The following BCAR3 variants were observed in gnomAD, a reference collection of about 807,000 sequenced individuals.
BCAR3 encodes breast cancer anti-estrogen resistance protein 3.
In BCAR3, 37 loss-of-function variants were observed where a neutral mutation model predicts 80.1. That is an observed-to-expected ratio of 0.46 (90% CI 0.36 to 0.61). The LOEUF (loss-of-function observed/expected upper bound fraction) is 0.61. BCAR3 is among the 20% of genes least tolerant of loss of function. The pLI is 0.00. For synonymous variants in BCAR3, 389 were observed against 418.9 expected, an observed-to-expected ratio of 0.93 and a Z score of 0.87; for missense variants, 978 against 1,068.2, an observed-to-expected ratio of 0.92 and a Z score of 1.18.
chr1:93,716,239 TG>T (rs1650183096), intron 2 of BCAR3, among the ~76,000 whole-genome samples: 2 of 152,250 alleles, frequency 1.3e-5, no homozygotes. Flanking sequence ...TTGCACCATG[TG>T]TATGTATTAC....
chr1:93,770,476 A>C (rs2100741421), intron 2 of BCAR3, among the ~76,000 whole-genome samples: 1 of 152,130 alleles, frequency 6.6e-6, no homozygotes, highest in Middle Eastern at 3.4e-3. Context: ...CAGTGACTCT[A>C]CTAGGAGGGA....
intron 2 of BCAR3, among the ~76,000 whole-genome samples, chr1:93,761,088 A>G (rs777043899): frequency 1.2e-4 from 18 of 152,288 alleles, no homozygotes; most frequent in Admixed American, 5.2e-4. Context: ...AAATATGGAA[A>G]GCAGGAACTT....
At chr1:93,781,034 G>A (rs181508232) in intron 2 of BCAR3, among the ~76,000 whole-genome samples, 6 of 152,296 alleles carry the variant, frequency 3.9e-5, no homozygotes, top group Admixed American at 3.3e-4. Context: ...AGGAAAAGAA[G>A]GGCAGCCACC....
chr1:93,800,940 C>T (rs1345015632), intron 2 of BCAR3, among the ~76,000 whole-genome samples: 1 of 152,220 alleles, frequency 6.6e-6, no homozygotes, highest in African/African-American at 2.4e-5. Flanking sequence ...TGAGGAAGAA[C>T]ACTCTTTAAA....
chr1:93,787,211 A>G (rs115075424), intron 2 of BCAR3, among the ~76,000 whole-genome samples: 1,548 of 152,310 alleles, frequency 0.01, 29 homozygotes, highest in African/African-American at 0.036. Flanking sequence ...TGTGTCCCCA[A>G]TGACTGGATA....
chr1:93,753,022 G>C (rs943578915), intron 2 of BCAR3: 4 of 152,178 alleles, frequency 2.6e-5, no homozygotes, highest in African/African-American at 9.7e-5. Context: ...ACAGTGCTAA[G>C]TTAATCTCTC....
intron 11 of BCAR3, among the ~76,000 whole-genome samples, 186 bp from the exon 12 acceptor site, chr1:93,562,605 T>TA (rs1048439355): frequency 2.6e-4 from 40 of 151,264 alleles, no homozygotes; most frequent in Admixed American, 1.3e-4. Flanking sequence ...CCGTCTCTAC[T>TA]AAAAAAATAC....
intron 2 of BCAR3, among the ~76,000 whole-genome samples, chr1:93,773,264 T>C (rs528343111): frequency 6.6e-4 from 101 of 152,140 alleles, no homozygotes; most frequent in Non-Finnish European, 1.0e-4. Flanking sequence ...TCACAGTTGT[T>C]CAAACCAATC....
intron 2 of BCAR3, among the ~76,000 whole-genome samples, chr1:93,765,063 T>C (rs1030754751): frequency 3.3e-5 from 5 of 152,122 alleles, no homozygotes; most frequent in Admixed American, 6.5e-5. Flanking sequence ...TCAGTGGACA[T>C]CCCGGGGGCT....
At chr1:93,664,057 G>A (rs1336254539) in intron 2 of BCAR3, among the ~76,000 whole-genome samples, 1 of 152,216 alleles carries the variant, frequency 6.6e-6, no homozygotes, top group Non-Finnish European at 1.5e-5. Context: ...CTGGCTGTCA[G>A]AGATTCTAAG....
intron 2 of BCAR3, among the ~76,000 whole-genome samples, chr1:93,653,414 T>C (rs566102375): frequency 1.3e-5 from 2 of 152,358 alleles, no homozygotes; most frequent in Admixed American, 1.3e-4. Context: ...ATGGTGTCTG[T>C]ATTCCAGTTC....
At chr1:93,785,498 A>G (rs1652906156) in intron 2 of BCAR3, among the ~76,000 whole-genome samples, 1 of 152,248 alleles carries the variant, frequency 6.6e-6, no homozygotes, top group African/African-American at 2.4e-5. Flanking sequence ...GTAAGAATTC[A>G]CAATTTTTAA....
At chr1:93,754,439 A>C (rs186598859) in intron 2 of BCAR3, 2 of 152,360 alleles carry the variant, frequency 1.3e-5, no homozygotes, top group Admixed American at 1.3e-4. Context: ...ACAGCACTTC[A>C]TCTTTTTGGA....
intron 3 of BCAR3, among the ~76,000 whole-genome samples, chr1:93,601,685 CTG>C (rs1371638956): frequency 1.3e-5 from 2 of 152,146 alleles, no homozygotes; most frequent in Admixed American, 1.3e-4. Flanking sequence ...ATTTTAAAAA[CTG>C]AGATGATTTT....
intron 3 of BCAR3, among the ~76,000 whole-genome samples, chr1:93,690,143 C>A (rs1557655471): frequency 2.0e-5 from 3 of 152,162 alleles, no homozygotes; most frequent in Admixed American, 2.0e-4. Flanking sequence ...TACAAGTTGC[C>A]CTTTTCATGT....
chr1:93,781,377 C>T (rs1013978661), intron 2 of BCAR3, among the ~76,000 whole-genome samples: 1 of 152,198 alleles, frequency 6.6e-6, no homozygotes, highest in Non-Finnish European at 1.5e-5. Flanking sequence ...TGCTGACCCT[C>T]AGTGTGTGCC....
At chr1:93,611,670 G>T (rs904280666) in intron 3 of BCAR3, among the ~76,000 whole-genome samples, 2 of 152,082 alleles carry the variant, frequency 1.3e-5, no homozygotes, top group Non-Finnish European at 2.9e-5. Flanking sequence ...ACACAAGTCC[G>T]TATGAGGCCT....
chr1:93,625,179 C>A (rs146768035), intron 3 of BCAR3, among the ~76,000 whole-genome samples: 113 of 152,274 alleles, frequency 7.4e-4, no homozygotes, highest in African/African-American at 2.5e-3. Flanking sequence ...CCACTGCACT[C>A]CAGCCTGGGT....
chr1:93,634,749 GCT>G (rs1414466426), intron 3 of BCAR3, among the ~76,000 whole-genome samples: 16 of 151,442 alleles, frequency 1.1e-4, no homozygotes, highest in Non-Finnish European at 2.4e-4. Flanking sequence ...CCCTGCACAA[GCT>G]CTCTTCTCTT....
Sources: gnomAD v4.1 joint callset for allele counts (sites outside exome capture counted in the v4.1 genomes callset) on GRCh38, gnomAD v4.1.1 for gene constraint, MANE v1.5 for transcripts, NCBI Gene and HGNC (gene_info 2026-07-23, HGNC 2026-07-21) for gene names.